The following GRIN2B variants were observed in gnomAD, a reference collection of about 807,000 sequenced individuals.
GRIN2B encodes the protein glutamate receptor ionotropic, NMDA 2B.
Under a neutral mutation model 114.5 loss-of-function variants are expected in GRIN2B, and 5 were observed. That is an observed-to-expected ratio of 0.04 (90% CI 0.02 to 0.09). The LOEUF is 0.09. Among genes scored for constraint, GRIN2B ranks in the 10% least tolerant of loss-of-function variants. GRIN2B has a pLI of 1.00. For synonymous variants in GRIN2B, 787 were observed against 745.1 expected, an observed-to-expected ratio of 1.06 and a Z score of -0.92; for missense variants, 1,108 against 1,943.5, an observed-to-expected ratio of 0.57 and a Z score of 8.08.
At chr12:13,795,887 A>G (rs1413843238) in intron 3 of GRIN2B, among the ~76,000 whole-genome samples, 4 of 152,072 alleles carry the variant, frequency 2.6e-5, no homozygotes, top group Admixed American at 2.6e-4. Context: ...AACAATGAGA[A>G]CACGTGGACA....
intron 2 of GRIN2B, among the ~76,000 whole-genome samples, chr12:13,953,873 A>C (rs1222379258): frequency 1.3e-5 from 2 of 152,190 alleles, no homozygotes; most frequent in Non-Finnish European, 2.9e-5. Flanking sequence ...TCCCAGCATT[A>C]AATTCTCCCT....
At chr12:13,969,529 A>G (rs1458048851) in intron 2 of GRIN2B, among the ~76,000 whole-genome samples, 1 of 152,242 alleles carries the variant, frequency 6.6e-6, no homozygotes, top group East Asian at 1.9e-4. Flanking sequence ...GGCATAATCT[A>G]GAATATAATT....
intron 4 of GRIN2B, among the ~76,000 whole-genome samples, chr12:13,692,437 A>G (rs752851525): frequency 6.6e-6 from 1 of 152,146 alleles, no homozygotes; most frequent in Non-Finnish European, 1.5e-5. Flanking sequence ...CATTGATGAG[A>G]AAAAAATGGA....
intron 5 of GRIN2B, among the ~76,000 whole-genome samples, chr12:13,653,104 A>T (rs978903389): frequency 1.2e-4 from 19 of 152,172 alleles, no homozygotes; most frequent in Non-Finnish European, 2.8e-4. Flanking sequence ...AATCAATGAC[A>T]AAGGCGATAA....
intron 3 of GRIN2B, among the ~76,000 whole-genome samples, chr12:13,778,421 A>C (rs1864045214): frequency 6.6e-6 from 1 of 152,204 alleles, no homozygotes; most frequent in Non-Finnish European, 1.5e-5. Context: ...AGTTCCCCAT[A>C]AGCACGGCAC....
intron 3 of GRIN2B, among the ~76,000 whole-genome samples, chr12:13,761,812 G>T (rs1863685057): frequency 6.6e-6 from 1 of 152,096 alleles, no homozygotes; most frequent in Non-Finnish European, 1.5e-5. Context: ...AAATAGGAAA[G>T]GTTGGAAAAA....
At chr12:13,705,432 T>C (rs1050846839) in intron 4 of GRIN2B, among the ~76,000 whole-genome samples, 1 of 152,178 alleles carries the variant, frequency 6.6e-6, no homozygotes, top group Non-Finnish European at 1.5e-5. Flanking sequence ...TCTAGATTTA[T>C]AATTTAAAAG....
intron 2 of GRIN2B, among the ~76,000 whole-genome samples, chr12:13,923,157 A>G (rs1565588115): frequency 6.6e-6 from 1 of 152,176 alleles, no homozygotes; most frequent in Non-Finnish European, 1.5e-5. Flanking sequence ...TAATGGAGAT[A>G]CAGCTTCTAC....
At position 13,596,752 on chromosome 12, in the gene GRIN2B, C is replaced by T. The variant is rs776883973; in HGVS notation, c.2010+11851G>A. 2.0e-5 allele frequency among the ~76,000 whole-genome samples: 3 copies of T among 152,202 alleles called. No individual in the cohort carries two copies. In the South Asian group the frequency reaches 6.2e-4, roughly 31 times the overall value. ...GCTGTATGTGCACAAATGAAGAAAACAAACTTCGCTGGAAATACTGTTGGT... is the reference window on the plus strand; with the variant it reads ...GCTGTATGTGCACAAATGAAGAAAATAAACTTCGCTGGAAATACTGTTGGT... On this transcript the variant is annotated intron_variant, in intron 10 of 13. Transcript: ENST00000609686.
At chr12:13,770,865 C>G (rs1863894648) in intron 3 of GRIN2B, among the ~76,000 whole-genome samples, 1 of 152,166 alleles carries the variant, frequency 6.6e-6, no homozygotes, top group Non-Finnish European at 1.5e-5. Flanking sequence ...CTGACAAGAA[C>G]CAGGGGCACC....
rs1591591618 is a variant in GRIN2B at position 13,538,786 on chromosome 12, G to A, written c.*23997C>T. On this transcript the variant is annotated 3_prime_UTR_variant, in exon 14 of 14. Coordinates refer to ENST00000609686, the MANE Select transcript of GRIN2B (RefSeq NM_000834.5). ...GCCGTAATCATACCTCTCCACTCCA[G>A]CCTGGATGACAGAGCAAGACCCTCT... The A allele has an allele frequency of 6.6e-6, 1 of 151,406 alleles. No individual in the cohort carries two copies. Among genetic ancestry groups the A allele is most frequent in the East Asian group, 1.9e-4 (1 of 5,150 alleles). 9.4% of individuals were successfully genotyped at this position (151,406 alleles called of 1,614,324 possible).
At chr12:13,896,177 G>C (rs944025677) in intron 2 of GRIN2B, among the ~76,000 whole-genome samples, 10 of 152,200 alleles carry the variant, frequency 6.6e-5, no homozygotes, top group African/African-American at 9.6e-5. Flanking sequence ...CAACGAGGAG[G>C]CTCCTTTAAC....
chr12:13,964,924 G>A (rs868191606), intron 2 of GRIN2B, among the ~76,000 whole-genome samples: 2 of 152,142 alleles, frequency 1.3e-5, no homozygotes, highest in African/African-American at 4.8e-5. Flanking sequence ...ATACTTAACT[G>A]TTCCCACCTT....
chr12:13,903,176 TA>T (rs1866483335), intron 2 of GRIN2B, among the ~76,000 whole-genome samples: 2 of 152,010 alleles, frequency 1.3e-5, no homozygotes, highest in South Asian at 2.1e-4. Context: ...TGTATAAGTT[TA>T]AAAAAAACTT....
At chr12:13,959,319 A>AAGGC (rs1867650510) in intron 2 of GRIN2B, among the ~76,000 whole-genome samples, 2 of 152,188 alleles carry the variant, frequency 1.3e-5, no homozygotes, top group African/African-American at 4.8e-5. Flanking sequence ...GAGTAACACA[A>AAGGC]AGGCAGGCAG....
chr12:13,692,771 T>C lies in GRIN2B; in HGVS notation c.1011-16912A>G, dbSNP rs1240208874. On this transcript the variant is annotated intron_variant, in intron 4 of 13. Coordinates refer to ENST00000609686, the MANE Select transcript of GRIN2B (RefSeq NM_000834.5). ...TTAATCTTTCTTTTCTTTTTTTTTT[T>C]TTTTTTTTTTTTTTGAGGCAGAGTT... is the stretch of plus-strand genomic sequence containing the variant. 1.6e-3 allele frequency among the ~76,000 whole-genome samples: 202 copies of C among 123,858 alleles called. 4 individuals are homozygous for C. The highest frequency in any genetic ancestry group is 5.3e-3 in the African/African-American group (167 of 31,620). 81.3% of individuals were successfully genotyped at this position (123,858 alleles called of 152,430 possible).
intron 2 of GRIN2B, among the ~76,000 whole-genome samples, chr12:13,963,874 C>T (rs1353454389): frequency 6.6e-6 from 1 of 152,196 alleles, no homozygotes; most frequent in African/African-American, 2.4e-5. Flanking sequence ...TTGTAAGGCA[C>T]TGCTTGGCAC....
At chr12:13,665,172 TG>T (rs1438525093) in intron 5 of GRIN2B, among the ~76,000 whole-genome samples, 2 of 20,576 alleles carry the variant, frequency 9.7e-5, no homozygotes, top group Non-Finnish European at 6.5e-4. Flanking sequence ...TGTGTTTGTG[TG>T]TGTGTGTGTG....
intron 2 of GRIN2B, among the ~76,000 whole-genome samples, chr12:13,869,324 C>T (rs1427108347): frequency 7.0e-6 from 1 of 142,994 alleles, no homozygotes; most frequent in Non-Finnish European, 1.5e-5. Flanking sequence ...AAGATACAGA[C>T]ATAGACCCAT....
Sources: allele counts gnomAD v4.1 joint callset (sites outside exome capture counted in the v4.1 genomes callset), GRCh38; gene constraint gnomAD v4.1.1; transcripts MANE v1.5; gene names NCBI Gene and HGNC (gene_info 2026-07-23, HGNC 2026-07-21).